Variants in FAM174B observed in about 807,000 individuals in gnomAD.
FAM174B encodes family with sequence similarity 174 member B.
A neutral mutation model predicts 10.9 loss-of-function variants in FAM174B; 12 were observed. The observed-to-expected ratio is 1.10, with a 90% CI of 0.71 to 1.79. The LOEUF (loss-of-function observed/expected upper bound fraction) is 1.79. Ranked by LOEUF, FAM174B falls within the 40% of genes most tolerant of loss-of-function variation. The probability of loss-of-function intolerance (pLI) is 0.00; values close to 1 mark genes in which losing one functional copy is unlikely to be tolerated. For missense variants in FAM174B, 266 were observed against 233.3 expected (o/e 1.14, Z -0.91); for synonymous variants, 132 against 115.8 (o/e 1.14, Z -0.90).
Position 92,655,507 on chromosome 15 carries a change from G to C in FAM174B, c.153C>G (p.Pro51=), listed in dbSNP as rs971925074. The part of the protein sequence containing the change: ...RESRPPPGPG[P]GNTTRFGSGA... Reference sequence around the variant, plus strand: ...CAGACCCAAACCGGGTGGTGTTCCCGGGCCCCGGGCCGGGCGGTGGCCGCG... The same window carrying C: ...CAGACCCAAACCGGGTGGTGTTCCCCGGCCCCGGGCCGGGCGGTGGCCGCG... Residue 51 remains proline (P), a synonymous_variant, in exon 1 of 3, where the codon CCC becomes CCG. Transcript: ENST00000327355. 3 of 1,506,556 alleles carry C rather than the reference G, an allele frequency of 2.0e-6. No homozygotes were observed. Among genetic ancestry groups the C allele is most frequent in the African/African-American group, 1.5e-5 (1 of 68,952 alleles). The allele number at this position is 1,506,556 out of a possible 1,614,324, so 93.3% of individuals were successfully genotyped here. A position where few individuals can be genotyped will look rare whatever the true frequency, so the allele number is the denominator to read the frequency against.
At chr15:92,640,242 T>C (rs1274429556) in intron 1 of FAM174B, among the ~76,000 whole-genome samples, 1 of 151,936 alleles carries the variant, frequency 6.6e-6, no homozygotes, top group Non-Finnish European at 1.5e-5. Context: ...TGTAAACACA[T>C]AAAAATGTCT....
At chr15:92,637,755 G>A (rs2141958585) in intron 1 of FAM174B, among the ~76,000 whole-genome samples, 1 of 152,254 alleles carries the variant, frequency 6.6e-6, no homozygotes, top group East Asian at 1.9e-4. Flanking sequence ...GAACTGCCAT[G>A]AGCCTGAGGC....
At chr15:92,646,356 C>A (rs574937570) in intron 1 of FAM174B, among the ~76,000 whole-genome samples, 1 of 152,158 alleles carries the variant, frequency 6.6e-6, no homozygotes, top group African/African-American at 2.4e-5. Context: ...AAGGGTGAGG[C>A]GGACTCCTCC....
intron 1 of FAM174B, among the ~76,000 whole-genome samples, chr15:92,649,688 T>A (rs1337548823): frequency 6.6e-6 from 1 of 152,162 alleles, no homozygotes; most frequent in Non-Finnish European, 1.5e-5. Flanking sequence ...GAAGCCGAGA[T>A]TCTCGGCATC....
chr15:92,648,687 G>A (rs1466242440), intron 1 of FAM174B, among the ~76,000 whole-genome samples: 3 of 152,008 alleles, frequency 2.0e-5, no homozygotes, highest in East Asian at 1.9e-4. Flanking sequence ...GCAAAGAAAC[G>A]CCTACCTGAG....
intron 1 of FAM174B, among the ~76,000 whole-genome samples, chr15:92,636,174 C>T (rs1017495691): frequency 2.0e-5 from 3 of 152,082 alleles, no homozygotes; most frequent in Admixed American, 1.3e-4. Flanking sequence ...TAAGGCTGGG[C>T]ACAGTGGCTC....
At chr15:92,640,001 G>C (rs2050879866) in intron 1 of FAM174B, among the ~76,000 whole-genome samples, 1 of 151,868 alleles carries the variant, frequency 6.6e-6, no homozygotes, top group East Asian at 1.9e-4. Flanking sequence ...AGAAAGTCCA[G>C]AAATACACCC....
intron 1 of FAM174B, among the ~76,000 whole-genome samples, chr15:92,650,643 A>G (rs890944488): frequency 2.0e-5 from 3 of 152,236 alleles, no homozygotes; most frequent in African/African-American, 7.2e-5. Flanking sequence ...CTCAGACAAT[A>G]AAGTGTTCTG....
chr15:92,621,659 A>G (rs2050720318), intron 2 of FAM174B, among the ~76,000 whole-genome samples: 1 of 151,772 alleles, frequency 6.6e-6, no homozygotes, highest in Admixed American at 6.6e-5. Flanking sequence ...AAAGTCCCCT[A>G]CTCAACAGAC....
intron 1 of FAM174B, among the ~76,000 whole-genome samples, chr15:92,635,187 A>G (rs1350616010): frequency 6.8e-6 from 1 of 148,084 alleles, no homozygotes; most frequent in Admixed American, 6.8e-5. Flanking sequence ...ACACACACAC[A>G]CACACACACA....
chr15:92,655,455 TGGAGC>T lies in FAM174B; in HGVS notation c.200_204del (p.Ser67LysfsTer59), dbSNP rs2141968393. 7.1e-7 allele frequency: 1 copy of T among 1,401,828 alleles called. No homozygotes were observed. Among genetic ancestry groups the T allele is most frequent in the South Asian group, 1.3e-5 (1 of 79,076 alleles). 86.8% of individuals were successfully genotyped at this position (1,401,828 alleles called of 1,614,324 possible). A position where few individuals can be genotyped will look rare whatever the true frequency, so the allele number is the denominator to read the frequency against. On this transcript the variant is annotated frameshift_variant, in exon 1 of 3. Coordinates refer to ENST00000327355, the MANE Select transcript of FAM174B (RefSeq NM_207446.3). LOFTEE classifies it high-confidence loss of function. ...AAGGCGTCGCCACTGCTGTTGGAGCTGGAGCTGCCGCTGCCGCCCGCCGCCCCAGA... is the reference window on the plus strand; with the variant it reads ...AAGGCGTCGCCACTGCTGTTGGAGCTTGCCGCTGCCGCCCGCCGCCCCAGA...
intron 2 of FAM174B, among the ~76,000 whole-genome samples, chr15:92,623,367 T>C (rs1190837611): frequency 6.6e-6 from 1 of 152,126 alleles, no homozygotes; most frequent in Admixed American, 6.5e-5. Context: ...AAACTGCTAG[T>C]GACATTCCTG....
At chr15:92,629,744 C>T (rs1346241505) in intron 2 of FAM174B, among the ~76,000 whole-genome samples, 1 of 152,112 alleles carries the variant, frequency 6.6e-6, no homozygotes, top group Non-Finnish European at 1.5e-5. Flanking sequence ...TCATATTGAA[C>T]TGTAGCTCCC....
At chr15:92,654,037 C>T (rs1373594604) in intron 1 of FAM174B, among the ~76,000 whole-genome samples, 1 of 152,200 alleles carries the variant, frequency 6.6e-6, no homozygotes, top group Non-Finnish European at 1.5e-5. Context: ...GAGTGAGGAA[C>T]GATGTGGCCT....
At position 92,619,350 on chromosome 15, in the gene FAM174B, G is replaced by T; in HGVS notation, c.*106C>A. ...GGGTTTTATACATAACGTTCGTTTT[G>T]GTTTCAACACCTCCGACGCAAGAGG... On this transcript the variant is annotated 3_prime_UTR_variant, in exon 3 of 3. Transcript: ENST00000327355. 4 of 1,333,188 alleles carry T rather than the reference G, an allele frequency of 3.0e-6. No homozygotes were observed. The highest frequency in any genetic ancestry group is 4.3e-6 in the Non-Finnish European group (4 of 928,300). 82.6% of individuals were successfully genotyped at this position (1,333,188 alleles called of 1,614,324 possible).
chr15:92,627,921 G>A (rs1032335821), intron 2 of FAM174B, among the ~76,000 whole-genome samples: 3 of 152,118 alleles, frequency 2.0e-5, no homozygotes, highest in African/African-American at 7.2e-5. Flanking sequence ...AACTTTCCTA[G>A]GTACACGGAC....
chr15:92,619,612 C>T lies in FAM174B; in HGVS notation c.477-153G>A, dbSNP rs572875911. 6.5e-5 allele frequency: 52 copies of T among 800,622 alleles called. 1 individual carries two copies. The highest frequency in any genetic ancestry group is 5.9e-4 in the African/African-American group (34 of 57,320). The allele number at this position is 800,622 out of a possible 1,614,324, so 49.6% of individuals were successfully genotyped here. A position where few individuals can be genotyped will look rare whatever the true frequency, so the allele number is the denominator to read the frequency against. On this transcript the variant is annotated intron_variant, in intron 2 of 2. Coordinates refer to ENST00000327355, the MANE Select transcript of FAM174B (RefSeq NM_207446.3). ...ACCTTTGAGCGTGCTGTCTGGAAGG[C>T]GCAATCCACTCTTCCAGCAAACCCC...
intron 1 of FAM174B, among the ~76,000 whole-genome samples, chr15:92,646,838 C>T (rs772626137): frequency 1.3e-5 from 2 of 152,162 alleles, no homozygotes; most frequent in Non-Finnish European, 2.9e-5. Context: ...TGGAAGTTAT[C>T]CCCCCTTCCA....
chr15:92,641,210 G>A (rs1021921258), intron 1 of FAM174B, among the ~76,000 whole-genome samples: 1 of 152,122 alleles, frequency 6.6e-6, no homozygotes, highest in Non-Finnish European at 1.5e-5. Flanking sequence ...AAATAGAAAT[G>A]TCTGAAAACA....
Sources: allele counts gnomAD v4.1 joint callset (sites outside exome capture counted in the v4.1 genomes callset), GRCh38; gene constraint gnomAD v4.1.1; transcripts MANE v1.5; gene names NCBI Gene and HGNC (gene_info 2026-07-23, HGNC 2026-07-21).